The following OPCML variants were observed in gnomAD, a reference collection of about 807,000 sequenced individuals.
OPCML encodes opioid binding protein/cell adhesion molecule like.
In OPCML, 13 loss-of-function variants were observed where a neutral mutation model predicts 37.8. The ratio of observed to expected loss-of-function variants is 0.34; its 90% CI spans 0.22 to 0.55. The LOEUF (loss-of-function observed/expected upper bound fraction) is 0.55. Among genes scored for constraint, OPCML ranks in the 20% least tolerant of loss-of-function variants. The pLI is 0.91. For synonymous variants in OPCML, 176 were observed against 168.8 expected (o/e 1.04, Z -0.33); for missense variants, 341 against 435.6 (o/e 0.78, Z 1.93).
chr11:132,520,888 T>C (rs1229838017), intron 4 of OPCML, among the ~76,000 whole-genome samples: 1 of 152,150 alleles, frequency 6.6e-6, no homozygotes, highest in African/African-American at 2.4e-5. Context: ...TTTAGGTATA[T>C]ACCAAATACC....
intron 1 of OPCML, among the ~76,000 whole-genome samples, chr11:133,078,735 C>T (rs1948661668): frequency 6.6e-6 from 1 of 152,120 alleles, no homozygotes; most frequent in African/African-American, 2.4e-5. Flanking sequence ...TACAGAGCGG[C>T]ACTGGCTCCG....
chr11:132,863,396 T>A (rs1357631723), intron 2 of OPCML, among the ~76,000 whole-genome samples: 1 of 152,220 alleles, frequency 6.6e-6, no homozygotes, highest in Non-Finnish European at 1.5e-5. Context: ...ACGGGTATAC[T>A]GACTTCTTTC....
chr11:133,026,384 G>A (rs1019046950), intron 1 of OPCML: 13 of 985,132 alleles, frequency 1.3e-5, no homozygotes, highest in Middle Eastern at 1.0e-3. Context: ...TCTGATTGAC[G>A]AGTGAGCACC....
At chr11:133,008,479 G>A in intron 1 of OPCML, 2 of 944,652 alleles carry the variant, frequency 2.1e-6, no homozygotes, top group African/African-American at 3.5e-5. Flanking sequence ...GATTCCCTTT[G>A]GGAGAGAAGA....
chr11:132,472,128 A>T (rs1263370673), intron 4 of OPCML, among the ~76,000 whole-genome samples: 1 of 152,212 alleles, frequency 6.6e-6, no homozygotes, highest in Non-Finnish European at 1.5e-5. Context: ...ACCAACATAC[A>T]TACATGTCAC....
intron 1 of OPCML, among the ~76,000 whole-genome samples, chr11:133,502,063 A>G (rs766594084): frequency 1.3e-4 from 20 of 151,056 alleles, no homozygotes; most frequent in South Asian, 2.1e-4. Flanking sequence ...CAGTCCTCCA[A>G]TGCCCAAAGT....
At chr11:133,043,692 T>A (rs1252887820) in intron 1 of OPCML, among the ~76,000 whole-genome samples, 1 of 152,156 alleles carries the variant, frequency 6.6e-6, no homozygotes, top group Non-Finnish European at 1.5e-5. Context: ...ATGCTCCCAA[T>A]TGTGAGTGAT....
At chr11:133,431,087 A>G (rs1946106365) in intron 1 of OPCML, among the ~76,000 whole-genome samples, 1 of 152,236 alleles carries the variant, frequency 6.6e-6, no homozygotes, top group African/African-American at 2.4e-5. Context: ...ATTAACACAA[A>G]CTAAGTATCT....
intron 2 of OPCML, among the ~76,000 whole-genome samples, chr11:132,771,089 A>T (rs1946620505): frequency 6.6e-6 from 1 of 152,202 alleles, no homozygotes; most frequent in Non-Finnish European, 1.5e-5. Flanking sequence ...CTGGAAGAGC[A>T]ACCAACTTTA....
intron 1 of OPCML, among the ~76,000 whole-genome samples, chr11:133,103,813 G>A (rs549272719): frequency 2.0e-5 from 3 of 152,222 alleles, no homozygotes; most frequent in South Asian, 2.1e-4. Context: ...ATGTTCAATC[G>A]AGGTAGTTGG....
intron 4 of OPCML, among the ~76,000 whole-genome samples, chr11:132,461,613 A>T (rs1168052196): frequency 6.6e-6 from 1 of 152,204 alleles, no homozygotes; most frequent in Non-Finnish European, 1.5e-5. Context: ...CCTGGGAGCA[A>T]GTAGCAAGAA....
At chr11:133,121,025 C>T (rs769742337) in intron 1 of OPCML, among the ~76,000 whole-genome samples, 1 of 152,140 alleles carries the variant, frequency 6.6e-6, no homozygotes, top group African/African-American at 2.4e-5. Flanking sequence ...TGGGTTCAAG[C>T]GATTCTCATG....
At chr11:133,334,063 C>A (rs1056581485) in intron 1 of OPCML, among the ~76,000 whole-genome samples, 4 of 152,154 alleles carry the variant, frequency 2.6e-5, no homozygotes, top group African/African-American at 9.7e-5. Flanking sequence ...ATTAGTTCAA[C>A]TGTTGTGGAA....
chr11:132,676,414 A>G (rs781007146), intron 2 of OPCML, among the ~76,000 whole-genome samples: 3 of 152,088 alleles, frequency 2.0e-5, no homozygotes, highest in South Asian at 2.1e-4. Flanking sequence ...TATAAGCAAC[A>G]AATAAAAAAA....
intron 2 of OPCML, among the ~76,000 whole-genome samples, chr11:132,693,824 C>T (rs1943497194): frequency 6.6e-6 from 1 of 151,954 alleles, no homozygotes; most frequent in Non-Finnish European, 1.5e-5. Context: ...TTTTATTGGG[C>T]TAGAAATAAT....
chr11:132,706,966 C>A (rs1191108688), intron 2 of OPCML, among the ~76,000 whole-genome samples: 1 of 152,236 alleles, frequency 6.6e-6, no homozygotes. Flanking sequence ...CCTCATTTGT[C>A]TAAACGTCGC....
intron 1 of OPCML, chr11:133,024,950 C>T (rs1454818652): frequency 2.1e-5 from 21 of 985,294 alleles, no homozygotes; most frequent in Non-Finnish European, 2.5e-5. Context: ...AACCAATGCG[C>T]ACTGCAGAGC....
intron 1 of OPCML, among the ~76,000 whole-genome samples, chr11:133,029,776 T>C (rs1447509523): frequency 6.6e-6 from 1 of 152,048 alleles, no homozygotes; most frequent in African/African-American, 2.4e-5. Context: ...GCTACTCAGG[T>C]GACAGGATCA....
In OPCML at chr11:133,519,065, A is replaced by G. The variant is rs548054761; in HGVS notation, c.61+13199T>C. 2.0e-5 allele frequency among the ~76,000 whole-genome samples: 3 copies of G among 152,148 alleles called. No homozygotes were observed. In the South Asian group the frequency reaches 6.2e-4, roughly 32 times the overall value. ...GCTCAGGATTCCTTCTCCCTGGTGC[A>G]CTGTGAGCTCCCGTTGCGGGGTGGC... On this transcript the variant is annotated intron_variant, in intron 1 of 7. Transcript: ENST00000524381.
Sources: allele counts gnomAD v4.1 joint callset (sites outside exome capture counted in the v4.1 genomes callset), GRCh38; gene constraint gnomAD v4.1.1; transcripts MANE v1.5; gene names NCBI Gene and HGNC (gene_info 2026-07-23, HGNC 2026-07-21).